Variants in MEPE observed in about 807,000 individuals in gnomAD.
MEPE encodes matrix extracellular phosphoglycoprotein, also known as matrix, extracellular phosphoglycoprotein with ASARM motif (bone).
MEPE carries 7 observed loss-of-function variants against 7.3 expected under a neutral mutation model. The observed-to-expected ratio is 0.95, with a 90% CI of 0.54 to 1.79. The LOEUF (loss-of-function observed/expected upper bound fraction) is 1.79, where lower values mean the gene tolerates loss of function less well. Among genes scored for constraint, MEPE ranks in the 40% most tolerant of loss-of-function variants. The pLI, the probability that MEPE is intolerant of heterozygous loss-of-function variation, is 0.00. For synonymous variants in MEPE, 214 were observed against 213.1 expected (o/e 1.00, Z -0.04); for missense variants, 623 against 628.2 (o/e 0.99, Z 0.09).
intron 2 of MEPE, among the ~76,000 whole-genome samples, chr4:87,836,927 T>G (rs1046934835): frequency 6.6e-6 from 1 of 152,194 alleles, no homozygotes; most frequent in Non-Finnish European, 1.5e-5. Context: ...GTCCTATAAA[T>G]AGAAGGTGTT....
At chr4:87,822,168 T>C (rs1722354056) in intron 1 of MEPE, among the ~76,000 whole-genome samples, 1 of 152,204 alleles carries the variant, frequency 6.6e-6, no homozygotes, top group South Asian at 2.1e-4. Context: ...ATTTCCTTCT[T>C]GGCAGTAGAA....
chr4:87,822,694 G>GTA (rs1375285459), intron 1 of MEPE, among the ~76,000 whole-genome samples: 2 of 152,086 alleles, frequency 1.3e-5, no homozygotes, highest in African/African-American at 4.8e-5. Flanking sequence ...AGCCAAATAG[G>GTA]TATACTCACA....
upstream of MEPE, among the ~76,000 whole-genome samples, chr4:87,828,174 A>G (rs539068595): frequency 4.3e-4 from 66 of 152,194 alleles, no homozygotes; most frequent in Non-Finnish European, 8.4e-4. Context: ...AAGCATCTGT[A>G]TGGTAAAGAA....
At chr4:87,834,536 A>C (rs1224710600) in intron 1 of MEPE, among the ~76,000 whole-genome samples, 167 bp from the exon 2 acceptor site, 2 of 152,144 alleles carry the variant, frequency 1.3e-5, no homozygotes, top group African/African-American at 2.4e-5. Context: ...AAATGTCCAC[A>C]CTCGGGTATA....
chr4:87,829,953 A>C (rs918025208), upstream of MEPE, among the ~76,000 whole-genome samples: 10 of 151,792 alleles, frequency 6.6e-5, no homozygotes, highest in Non-Finnish European at 1.5e-4. Flanking sequence ...AGGCACAGAA[A>C]AGTTCAAATT....
At chr4:87,834,594 A>G in intron 1 of MEPE, 109 bp from the exon 2 acceptor site, 1 of 787,098 alleles carries the variant, frequency 1.3e-6, no homozygotes, top group Non-Finnish European at 2.1e-6. Flanking sequence ...AAGGATATGA[A>G]CTGCCAAGGG....
In MEPE at chr4:87,845,472, CAAGCCCAGAA is replaced by C. The variant is rs1723188905; in HGVS notation, c.608_617del (p.Ala203ValfsTer3). ...TAAAAAGAAGCCTCAAAGAGATTCC[CAAGCCCAGAA>C]AAGTCCAGTAAAAAGCAAAAGCACC... On this transcript the variant is annotated frameshift_variant, in exon 4 of 4. Coordinates refer to ENST00000361056, the MANE Select transcript of MEPE (RefSeq NM_020203.6). LOFTEE classifies it low-confidence loss of function (END_TRUNC). The C allele has an allele frequency of 6.2e-7, 1 of 1,613,818 alleles. No individual in the cohort carries two copies. Among genetic ancestry groups the C allele is most frequent in the African/African-American group, 1.3e-5 (1 of 74,996 alleles).
At chr4:87,840,139 T>G (rs1467799670) in intron 3 of MEPE, 17 of 1,429,746 alleles carry the variant, frequency 1.2e-5, no homozygotes, top group Middle Eastern at 3.6e-4. Flanking sequence ...TACCATATGC[T>G]CTGATGGTGG....
intron 1 of MEPE, among the ~76,000 whole-genome samples, chr4:87,825,440 C>A (rs1020681644): frequency 1.3e-5 from 2 of 152,160 alleles, no homozygotes; most frequent in African/African-American, 4.8e-5. Context: ...CTGTATTCTC[C>A]AAAAATGACT....
At chr4:87,835,093 T>C (rs2045836) in intron 2 of MEPE, among the ~76,000 whole-genome samples, 87,151 of 152,138 alleles carry the variant, frequency 0.57, 25,617 homozygotes, top group Non-Finnish European at 0.61. Context: ...TATAACATGG[T>C]AAAATAATCT....
Position 87,845,492 on chromosome 4 carries a change from A to G in MEPE, c.624A>G (p.Val208=). Residue 208 remains valine (V), a synonymous_variant, in exon 4 of 4, where the codon GTA becomes GTG. Coordinates refer to ENST00000361056, the MANE Select transcript of MEPE (RefSeq NM_020203.6). ...QRDSQAQKSP[V]KSKSTHRIQH... The stretch of plus-strand genomic sequence containing the variant: ...ATTCCCAAGCCCAGAAAAGTCCAGT[A>G]AAAAGCAAAAGCACCCATCGTATTC... The G allele has an allele frequency of 1.9e-6, 3 of 1,613,766 alleles. No individual in the cohort carries two copies.
intron 3 of MEPE, among the ~76,000 whole-genome samples, chr4:87,841,716 T>C (rs1459699761): frequency 1.3e-5 from 2 of 150,332 alleles, no homozygotes; most frequent in African/African-American, 4.9e-5. Flanking sequence ...AAAGAGAGAG[T>C]CCAATCAAAA....
intron 3 of MEPE, among the ~76,000 whole-genome samples, chr4:87,844,585 AAGAGAG>A (rs375234094): frequency 4.7e-5 from 7 of 150,192 alleles, no homozygotes; most frequent in East Asian, 3.9e-4. Flanking sequence ...AGAAAAGAGA[AAGAGAG>A]AGAGAGAGAG....
At chr4:87,825,644 CT>C (rs1722445690) in intron 1 of MEPE, among the ~76,000 whole-genome samples, 1 of 152,224 alleles carries the variant, frequency 6.6e-6, no homozygotes, top group Admixed American at 6.5e-5. Context: ...TGCATGGAAA[CT>C]TTTATTCTTA....
Position 87,845,634 on chromosome 4 carries a change from A to C in MEPE, c.766A>C (p.Ser256Arg). 3 of 1,613,940 alleles carry C rather than the reference A, an allele frequency of 1.9e-6. No individual in the cohort carries two copies. Among genetic ancestry groups the C allele is most frequent in the Non-Finnish European group, 2.5e-6 (3 of 1,179,946 alleles). ...ERGDNDISPF[S>R]GDGQPFKDIP... ...AGGGGACAATGATATATCTCCTTTCAGTGGGGACGGCCAACCTTTTAAGGA... is the reference window on the plus strand; with the variant it reads ...AGGGGACAATGATATATCTCCTTTCCGTGGGGACGGCCAACCTTTTAAGGA... The change falls in exon 4 of 4, where the codon AGT becomes CGT. Residue 256 changes from serine to arginine, a missense_variant. Ser to Arg is a moderately radical substitution (Grantham distance 110). Transcript: ENST00000361056.
rs1331611679 is a variant in MEPE, at chr4:87,846,317, G to A, written c.1449G>A (p.Lys483=). ...GACAAAATAATTCTACACGGAATAA[G>A]GGTATGCCACAAGGGAAAGGCTCCT... The part of the protein sequence containing the change: ...PHRQNNSTRN[K]GMPQGKGSWG... Residue 483 remains lysine, a synonymous_variant, in exon 4 of 4, where the codon AAG becomes AAA. Transcript: ENST00000361056. 1.9e-6 allele frequency: 3 copies of A among 1,614,082 alleles called. No individual in the cohort carries two copies. The highest frequency in any genetic ancestry group is 1.7e-5 in the Admixed American group (1 of 60,016).
intron 1 of MEPE, among the ~76,000 whole-genome samples, chr4:87,825,407 AC>A (rs1405997842): frequency 6.6e-6 from 1 of 152,114 alleles, no homozygotes; most frequent in Non-Finnish European, 1.5e-5. Context: ...CCTGAATTAC[AC>A]CCGGGGTATG....
intron 1 of MEPE, among the ~76,000 whole-genome samples, chr4:87,826,499 A>G (rs34891747): frequency 0.18 from 26,733 of 151,782 alleles, 2,575 homozygotes; most frequent in Non-Finnish European, 0.23. Flanking sequence ...TCCTTTGGAT[A>G]TATACCCAGT....
upstream of MEPE, among the ~76,000 whole-genome samples, chr4:87,830,747 A>G (rs1722576526): frequency 6.6e-6 from 1 of 152,038 alleles, no homozygotes; most frequent in Admixed American, 6.5e-5. Flanking sequence ...TTTTTTAACA[A>G]GAAGACATGA....
Sources: allele counts gnomAD v4.1 joint callset (sites outside exome capture counted in the v4.1 genomes callset), GRCh38; gene constraint gnomAD v4.1.1; transcripts MANE v1.5; gene names NCBI Gene and HGNC (gene_info 2026-07-23, HGNC 2026-07-21).